Variants in SUPT3H observed in about 807,000 individuals in gnomAD.
SUPT3H encodes SPT3 homolog, SAGA and STAGA complex component.
Under a neutral mutation model 44.3 loss-of-function variants are expected in SUPT3H, and 44 were observed. That is an observed-to-expected ratio of 0.99 (90% CI 0.78 to 1.28). SUPT3H has a LOEUF of 1.28. Among genes scored for constraint, SUPT3H ranks in the 50% most tolerant of loss-of-function variants. The pLI, the probability that SUPT3H is intolerant of heterozygous loss-of-function variation, is 0.00. For missense variants in SUPT3H, 380 were observed against 387.1 expected (o/e 0.98, Z 0.15); for synonymous variants, 124 against 125.6 (o/e 0.99, Z 0.09).
At chr6:45,061,882 A>ATCCATAAG (rs1209298341) in intron 3 of SUPT3H, among the ~76,000 whole-genome samples, 2 of 135,446 alleles carry the variant, frequency 1.5e-5, no homozygotes, top group Admixed American at 7.9e-5. Flanking sequence ...CCAGTTTTTT[A>ATCCATAAG]TCCATAAGCT....
intron 1 of SUPT3H, among the ~76,000 whole-genome samples, chr6:45,373,097 G>A (rs538147656): frequency 2.0e-5 from 3 of 151,944 alleles, no homozygotes; most frequent in Admixed American, 1.3e-4. Context: ...GTGAGTCACC[G>A]CACCCGGCCC....
chr6:45,167,526 T>A (rs1810087807), intron 2 of SUPT3H, among the ~76,000 whole-genome samples: 1 of 152,230 alleles, frequency 6.6e-6, no homozygotes, highest in Non-Finnish European at 1.5e-5. Flanking sequence ...CCTTTTTCTG[T>A]CTTTGCTTAT....
intron 2 of SUPT3H, among the ~76,000 whole-genome samples, chr6:45,110,288 G>A (rs1799857406): frequency 6.6e-6 from 1 of 152,088 alleles, no homozygotes; most frequent in Non-Finnish European, 1.5e-5. Flanking sequence ...AAACAAACAA[G>A]GGCATTCATG....
At chr6:44,963,218 G>T (rs1776301717) in intron 6 of SUPT3H, among the ~76,000 whole-genome samples, 1 of 152,044 alleles carries the variant, frequency 6.6e-6, no homozygotes. Context: ...TCACGTCTCG[G>T]CTGGGTGTGG....
chr6:45,356,570 A>T (rs914759227), intron 2 of SUPT3H, among the ~76,000 whole-genome samples: 3 of 147,908 alleles, frequency 2.0e-5, no homozygotes, highest in East Asian at 2.0e-4. Flanking sequence ...GCTAATGTTT[A>T]TTTTTTTTTT....
chr6:44,898,991 C>T (rs528509552), intron 10 of SUPT3H: 14 of 152,296 alleles, frequency 9.2e-5, no homozygotes, highest in African/African-American at 2.4e-4. Flanking sequence ...CTGCCCCCCT[C>T]CCTGATTTGC....
At chr6:45,032,432 T>G (rs537080398) in intron 3 of SUPT3H, among the ~76,000 whole-genome samples, 1 of 152,284 alleles carries the variant, frequency 6.6e-6, no homozygotes, top group African/African-American at 2.4e-5. Flanking sequence ...TATACCTGCA[T>G]AAGTATTGCT....
chr6:44,870,707 G>A (rs999688493), intron 10 of SUPT3H, among the ~76,000 whole-genome samples: 23 of 151,718 alleles, frequency 1.5e-4, no homozygotes, highest in South Asian at 1.5e-3. Context: ...CGCAGAAGAC[G>A]GGTGATTTCT....
At chr6:44,823,751 C>CAGG (rs1424730868), downstream of SUPT3H, among the ~76,000 whole-genome samples, 2 of 152,008 alleles carry the variant, frequency 1.3e-5, no homozygotes, top group Non-Finnish European at 2.9e-5. Flanking sequence ...CGCCCGAGGT[C>CAGG]AGGAGTTCGA....
intron 10 of SUPT3H, among the ~76,000 whole-genome samples, chr6:44,885,542 T>A (rs1762117025): frequency 6.6e-6 from 1 of 152,162 alleles, no homozygotes; most frequent in Non-Finnish European, 1.5e-5. Flanking sequence ...CCAACAGACC[T>A]GCAGCTAAGG....
chr6:45,355,827 G>A (rs908197945), intron 2 of SUPT3H, among the ~76,000 whole-genome samples: 4 of 152,122 alleles, frequency 2.6e-5, no homozygotes, highest in Admixed American at 1.3e-4. Flanking sequence ...TGTTTGGAAA[G>A]TAATTCCAAC....
chr6:45,270,605 TTAAAC>T (rs1434054653), intron 2 of SUPT3H, among the ~76,000 whole-genome samples: 2 of 152,230 alleles, frequency 1.3e-5, no homozygotes, highest in Non-Finnish European at 2.9e-5. Context: ...GTAAGTCTAA[TTAAAC>T]CTCTTTCTTT....
intron 2 of SUPT3H, among the ~76,000 whole-genome samples, chr6:45,174,761 C>CAT (rs58239716): frequency 0.025 from 3,774 of 151,972 alleles, 161 homozygotes; most frequent in African/African-American, 0.084. Flanking sequence ...AAGTTTTGCA[C>CAT]ATATATATAC....
At chr6:45,302,165 T>A (rs572767765) in intron 2 of SUPT3H, among the ~76,000 whole-genome samples, 1 of 152,162 alleles carries the variant, frequency 6.6e-6, no homozygotes, top group African/African-American at 2.4e-5. Context: ...CATGAGTAAG[T>A]TTTTTAGTGG....
At chr6:45,349,848 C>T (rs562188381) in intron 2 of SUPT3H, among the ~76,000 whole-genome samples, 5 of 152,260 alleles carry the variant, frequency 3.3e-5, no homozygotes, top group African/African-American at 1.2e-4. Context: ...TGTCAATGTT[C>T]TCTTTTATTC....
rs926846966 is a variant in SUPT3H, at chr6:44,926,244, ATAAT to A, written c.912+6405_912+6408del. On this transcript the variant is annotated intron_variant, in intron 10 of 10. Transcript: ENST00000371459. ...ATGTAGAATTATAGTTGAATAAAAA[ATAAT>A]TAAAAATACAGATGTGTATTTAATC... Among the ~76,000 whole-genome samples the A allele has an allele frequency of 2.0e-5, 3 of 152,240 alleles. No individual in the cohort carries two copies. The East Asian group carries it at 5.8e-4, about 29-fold the overall frequency.
intron 10 of SUPT3H, among the ~76,000 whole-genome samples, chr6:44,906,929 C>T (rs1034708772): frequency 1.3e-5 from 2 of 152,214 alleles, no homozygotes; most frequent in African/African-American, 4.8e-5. Flanking sequence ...ATTTCATAGA[C>T]TTTCTGCTGG....
chr6:45,070,344 C>A (rs1400090105), intron 3 of SUPT3H, among the ~76,000 whole-genome samples: 1 of 152,100 alleles, frequency 6.6e-6, no homozygotes, highest in Non-Finnish European at 1.5e-5. Context: ...CAAGACCACC[C>A]AAAGCCAATT....
chr6:44,939,028 CT>C (rs1017559355), intron 9 of SUPT3H, among the ~76,000 whole-genome samples: 2 of 152,088 alleles, frequency 1.3e-5, no homozygotes, highest in African/African-American at 4.8e-5. Flanking sequence ...AATAATTTTA[CT>C]TCTTCTTTTC....
Sources: allele counts gnomAD v4.1 joint callset (sites outside exome capture counted in the v4.1 genomes callset), GRCh38; gene constraint gnomAD v4.1.1; transcripts MANE v1.5; gene names NCBI Gene and HGNC (gene_info 2026-07-23, HGNC 2026-07-21).